The following DNAJC13 variants were observed in gnomAD, a reference collection of about 807,000 sequenced individuals.
The protein encoded by DNAJC13 is dnaJ homolog subfamily C member 13.
DNAJC13 carries 75 observed loss-of-function variants against 290.5 expected under a neutral mutation model. The observed-to-expected ratio is 0.26, with a 90% CI of 0.21 to 0.31. The LOEUF is 0.31. DNAJC13 is among the 10% of genes least tolerant of loss of function. The pLI, the probability that DNAJC13 is intolerant of heterozygous loss-of-function variation, is 1.00. For missense variants in DNAJC13, 2,260 were observed against 2,674.5 expected, an observed-to-expected ratio of 0.85 and a Z score of 3.42; for synonymous variants, 862 against 892.0, an observed-to-expected ratio of 0.97 and a Z score of 0.60.
At chr3:132,453,797 A>G (rs1046068328) in intron 8 of DNAJC13, 103 bp downstream of exon 8, 2 of 958,938 alleles carry the variant, frequency 2.1e-6, no homozygotes, top group Non-Finnish European at 1.6e-6. Context: ...AGAATATGGA[A>G]TGGACAGAAT....
rs553542294 is a variant in DNAJC13 at position 132,441,688 on chromosome 3, C to T, written c.69-4787C>T. 3.0e-4 allele frequency among the ~76,000 whole-genome samples: 45 copies of T among 152,200 alleles called. 1 individual carries two copies. The highest frequency in any genetic ancestry group is 1.1e-3 in the African/African-American group (45 of 41,526). On this transcript the variant is annotated intron_variant, in intron 2 of 55. Transcript: ENST00000260818. ...TACTGAATTACATGGATTTTCTGTG[C>T]AGAAGAATATAATAGATGTTATGAT...
chr3:132,480,345 G>A (rs745317862), intron 25 of DNAJC13, 24 bp from the exon 26 acceptor site: 33 of 1,558,104 alleles, frequency 2.1e-5, no homozygotes, highest in Non-Finnish European at 2.7e-5. Flanking sequence ...TTTAGATTAC[G>A]AAAAAAATGT....
intron 2 of DNAJC13, among the ~76,000 whole-genome samples, chr3:132,436,064 A>G (rs997720471): frequency 2.0e-5 from 3 of 152,208 alleles, no homozygotes; most frequent in Non-Finnish European, 4.4e-5. Context: ...CTTATATACC[A>G]TAAAATTCAC....
Position 132,480,425 on chromosome 3 carries a change from T to C in DNAJC13, c.2829T>C (p.Leu943=), listed in dbSNP as rs1161112331. Residue 943 remains leucine, a synonymous_variant, in exon 26 of 56, where the codon CTT becomes CTC. Transcript: ENST00000260818. ...SNGIRILVDL[L]TLAHLHVSRA... ...GAATAAGAATCCTTGTGGACTTGCT[T>C]ACCCTTGCACATCTCCATGTAAGCC... is the stretch of plus-strand genomic sequence containing the variant. 1 of 1,613,596 alleles carries C rather than the reference T, an allele frequency of 6.2e-7. No homozygotes were observed. Among genetic ancestry groups the C allele is most frequent in the Non-Finnish European group, 8.5e-7 (1 of 1,179,740 alleles).
chr3:132,440,479 T>C (rs752066660), intron 2 of DNAJC13, among the ~76,000 whole-genome samples: 5 of 152,240 alleles, frequency 3.3e-5, no homozygotes, highest in Non-Finnish European at 5.9e-5. Context: ...GAAGTAGATA[T>C]ACAGTCATGT....
chr3:132,505,005 T>C (rs983685760), intron 41 of DNAJC13, among the ~76,000 whole-genome samples: 1 of 152,242 alleles, frequency 6.6e-6, no homozygotes, highest in African/African-American at 2.4e-5. Context: ...AATTTCACCA[T>C]GGCACAGCAG....
rs905088745 is a variant in DNAJC13, at chr3:132,513,530, C to T, written c.5385+431C>T. On this transcript the variant is annotated intron_variant, in intron 45 of 55. Transcript: ENST00000260818. ...AGAGGAGTGATCCTTGTCCCTCCCC[C>T]GCAGTTGAAACTCCCTTCTTACAAA... Among the ~76,000 whole-genome samples the T allele has an allele frequency of 5.9e-5, 9 of 152,252 alleles. No individual in the cohort carries two copies. The East Asian group carries it at 9.6e-4, about 16-fold the overall frequency.
chr3:132,471,955 C>T (rs532108281), intron 20 of DNAJC13, among the ~76,000 whole-genome samples: 246 of 145,366 alleles, frequency 1.7e-3, no homozygotes, highest in African/African-American at 6.0e-3. Flanking sequence ...GCCTGGGCAC[C>T]ATTGAGCACT....
At chr3:132,424,476 G>A (rs1939040755) in intron 1 of DNAJC13, among the ~76,000 whole-genome samples, 1 of 152,024 alleles carries the variant, frequency 6.6e-6, no homozygotes, top group Non-Finnish European at 1.5e-5. Flanking sequence ...TTTAGGGGTT[G>A]CTTTTGAATT....
At chr3:132,533,425 T>A (rs1559917785) in intron 55 of DNAJC13, among the ~76,000 whole-genome samples, 1 of 145,792 alleles carries the variant, frequency 6.9e-6, no homozygotes, top group South Asian at 2.2e-4. Flanking sequence ...AACCTTTGCC[T>A]CCCGGGTTCA....
chr3:132,538,361 C>G lies in DNAJC13; in HGVS notation c.*79C>G. Reference sequence around the variant, plus strand: ...TCCAGCTGATACGTTGAAGCAAACTCTTACTGCCTTTCTCCTGGTTTCATG... The same window carrying G: ...TCCAGCTGATACGTTGAAGCAAACTGTTACTGCCTTTCTCCTGGTTTCATG... On this transcript the variant is annotated 3_prime_UTR_variant, in exon 56 of 56. Transcript: ENST00000260818. 9.6e-7 allele frequency: 1 copy of G among 1,046,580 alleles called. No homozygotes were observed. Among genetic ancestry groups the G allele is most frequent in the Non-Finnish European group, 1.4e-6 (1 of 699,078 alleles). The allele number at this position is 1,046,580 out of a possible 1,614,324, so 64.8% of individuals were successfully genotyped here.
At chr3:132,449,583 C>T (rs1050541138) in intron 5 of DNAJC13, among the ~76,000 whole-genome samples, 1 of 152,132 alleles carries the variant, frequency 6.6e-6, no homozygotes, top group Non-Finnish European at 1.5e-5. Flanking sequence ...ATGCATAGAT[C>T]AGTAATGTTG....
chr3:132,447,547 A>G, intron 4 of DNAJC13, 77 bp downstream of exon 4: 1 of 1,349,634 alleles, frequency 7.4e-7, no homozygotes, highest in Non-Finnish European at 9.8e-7. Flanking sequence ...GAAGTAGAGA[A>G]ATTAATGTTC....
intron 40 of DNAJC13, 90 bp from the exon 41 acceptor site, chr3:132,503,124 A>C: frequency 7.3e-7 from 1 of 1,363,478 alleles, no homozygotes; most frequent in Non-Finnish European, 1.0e-6. Context: ...CTCCTTAAAT[A>C]TGTTCCATAT....
At chr3:132,459,421 G>GA (rs1316582185) in intron 13 of DNAJC13, among the ~76,000 whole-genome samples, 1 of 152,130 alleles carries the variant, frequency 6.6e-6, no homozygotes, top group African/African-American at 2.4e-5. Flanking sequence ...GGCTTGGGAG[G>GA]AAGGCAGAAT....
intron 3 of DNAJC13, 116 bp from the exon 4 acceptor site, chr3:132,447,203 ACT>A (rs1004183711): frequency 2.1e-5 from 18 of 871,210 alleles, no homozygotes; most frequent in African/African-American, 1.1e-4. Flanking sequence ...CAATTTCTAG[ACT>A]CTATTTTATA....
chr3:132,522,927 A>G lies in DNAJC13; in HGVS notation c.5773A>G (p.Asn1925Asp). 1 of 1,613,566 alleles carries G rather than the reference A, an allele frequency of 6.2e-7. No individual in the cohort carries two copies. Among genetic ancestry groups the G allele is most frequent in the Non-Finnish European group, 8.5e-7 (1 of 1,179,662 alleles). The change falls in exon 49 of 56, where the codon AAT becomes GAT. Residue 1925 changes from asparagine to aspartate, a missense_variant. By Grantham distance (23) the Asn-to-Asp change is conservative (BLOSUM62 1). This residue lies in a region of DNAJC13 where 1,494 missense variants were observed against 1,693.7 expected (regional missense o/e 0.88). Transcript: ENST00000260818. ...AVHIFEGTHE[N>D]PELIWNDNSR... ...ACATATTTTTGAAGGAACTCATGAAAATCCTGAGTTAATTTGGAATGATAA... is the reference window on the plus strand; with the variant it reads ...ACATATTTTTGAAGGAACTCATGAAGATCCTGAGTTAATTTGGAATGATAA...
intron 37 of DNAJC13, 121 bp from the exon 38 acceptor site, chr3:132,499,613 C>A: frequency 1.1e-6 from 1 of 898,774 alleles, no homozygotes; most frequent in Non-Finnish European, 1.7e-6. Context: ...AAATGTTGAT[C>A]AAACATTTAT....
chr3:132,448,009 A>G (rs1382068551), intron 5 of DNAJC13, 70 bp downstream of exon 5: 1 of 1,101,540 alleles, frequency 9.1e-7, no homozygotes, highest in Non-Finnish European at 1.3e-6. Flanking sequence ...AAATCATTTC[A>G]TAATCTGTGT....
Sources: gnomAD v4.1 joint callset for allele counts (sites outside exome capture counted in the v4.1 genomes callset) on GRCh38, gnomAD v4.1.1 for gene constraint, gnomAD v4.1.1 regional missense constraint, MANE v1.5 for transcripts, NCBI Gene and HGNC (gene_info 2026-07-23, HGNC 2026-07-21) for gene names.